Variants in GDI2 observed in about 807,000 individuals in gnomAD.
The protein encoded by GDI2 is rab GDP dissociation inhibitor beta.
A neutral mutation model predicts 54.2 loss-of-function variants in GDI2; 22 were observed. That is an observed-to-expected ratio of 0.41 (90% CI 0.29 to 0.58). GDI2 has a LOEUF of 0.58. GDI2 is among the 20% of genes least tolerant of loss of function. The pLI is 0.35. For missense variants in GDI2, 422 were observed against 546.0 expected, an observed-to-expected ratio of 0.77 and a Z score of 2.26; for synonymous variants, 177 against 182.1, an observed-to-expected ratio of 0.97 and a Z score of 0.23.
chr10:5,803,512 C>T (rs557158824), intron 1 of GDI2, among the ~76,000 whole-genome samples: 37 of 152,130 alleles, frequency 2.4e-4, no homozygotes, highest in African/African-American at 8.9e-4. Context: ...TTTATTTATT[C>T]CTCCATTTCT....
chr10:5,772,472 G>A (rs1484905812), intron 7 of GDI2, among the ~76,000 whole-genome samples: 1 of 152,114 alleles, frequency 6.6e-6, no homozygotes, highest in Non-Finnish European at 1.5e-5. Flanking sequence ...TAACAGTCTA[G>A]AAGGCCAGGC....
rs148499673 is a variant in GDI2, at chr10:5,779,041, T to C, written c.720-5100A>G. On this transcript the variant is annotated intron_variant, in intron 6 of 10. Coordinates refer to ENST00000380191, the MANE Select transcript of GDI2 (RefSeq NM_001494.4). Reference sequence around the variant, plus strand: ...CAGAAAAACAAACAACAGAAACAGATGCCCAAATGTTAAAATACGCAGTTT... The same window carrying C: ...CAGAAAAACAAACAACAGAAACAGACGCCCAAATGTTAAAATACGCAGTTT... 1.1e-3 allele frequency among the ~76,000 whole-genome samples: 164 copies of C among 152,228 alleles called. 3 individuals carry two copies. In the East Asian group the frequency reaches 0.023, roughly 21 times the overall value.
chr10:5,787,039 T>C (rs1429027275), intron 4 of GDI2, among the ~76,000 whole-genome samples: 5 of 149,454 alleles, frequency 3.3e-5, no homozygotes, highest in African/African-American at 4.9e-5. Flanking sequence ...AAAAGAAAAT[T>C]TTCTGATTTT....
Position 5,766,345 on chromosome 10 carries a change from T to C in GDI2, c.1137-50A>G, listed in dbSNP as rs771877070. 3.3e-6 allele frequency: 5 copies of C among 1,518,878 alleles called. No individual in the cohort carries two copies. The Admixed American group carries it at 8.3e-5, about 25-fold the overall frequency. The allele number at this position is 1,518,878 out of a possible 1,614,324, so 94.1% of individuals were successfully genotyped here. On this transcript the variant is annotated intron_variant, in intron 9 of 10. Transcript: ENST00000380191. This position sits in a 1 kb window ranked among gnomAD's most constrained non-coding sequence, Gnocchi z 5.8. ...GGTGAGCTGGTCCCACACCTGACCA[T>C]GGCTCTGCCTGAGGTCAACTGAGAG...
At chr10:5,794,689 T>C (rs1282261970) in intron 4 of GDI2, among the ~76,000 whole-genome samples, 196 bp downstream of exon 4, 1 of 152,216 alleles carries the variant, frequency 6.6e-6, no homozygotes, top group Non-Finnish European at 1.5e-5. Context: ...ATTTAAACTC[T>C]AAGCTTCAAA....
chr10:5,786,800 T>C lies in GDI2; in HGVS notation c.389-750A>G, dbSNP rs567855590. Among the ~76,000 whole-genome samples, 3 of 152,318 alleles carry C rather than the reference T, an allele frequency of 2.0e-5. No homozygotes were observed. The South Asian group carries it at 6.2e-4, about 32-fold the overall frequency. On this transcript the variant is annotated intron_variant, in intron 4 of 10. Transcript: ENST00000380191. ...TGCTAAGATACAACCGGGCACTTAATGATAACAGCTTAAGATAACAAGAAC... is the reference window on the plus strand; with the variant it reads ...TGCTAAGATACAACCGGGCACTTAACGATAACAGCTTAAGATAACAAGAAC...
chr10:5,788,951 G>A (rs928939454), intron 4 of GDI2, among the ~76,000 whole-genome samples: 1 of 152,072 alleles, frequency 6.6e-6, no homozygotes, highest in Non-Finnish European at 1.5e-5. Context: ...ATTTTTAGTA[G>A]AGATGGGGTT....
At chr10:5,790,623 GCAACAAGA>G (rs1840989580) in intron 4 of GDI2, among the ~76,000 whole-genome samples, 1 of 152,002 alleles carries the variant, frequency 6.6e-6, no homozygotes, top group Non-Finnish European at 1.5e-5. Context: ...TCCAGCCTGG[GCAACAAGA>G]GCAAAGCTCA....
intron 4 of GDI2, 89 bp downstream of exon 4, chr10:5,794,796 C>A: frequency 1.2e-6 from 1 of 857,674 alleles, no homozygotes; most frequent in Non-Finnish European, 1.9e-6. Flanking sequence ...TATTTGTTGA[C>A]TGGGTCCTCT....
intron 6 of GDI2, 21 bp from the exon 7 acceptor site, chr10:5,773,962 C>T (rs1840557526): frequency 1.0e-6 from 1 of 986,070 alleles, no homozygotes; most frequent in Admixed American, 2.1e-5. Flanking sequence ...TTTAAAATCC[C>T]AATTAATAAT....
rs764897529 is a variant in GDI2, at chr10:5,766,202, G to C, written c.1191+39C>G. On this transcript the variant is annotated intron_variant, in intron 10 of 10. Transcript: ENST00000380191. This position sits in a 1 kb window ranked among gnomAD's most constrained non-coding sequence, Gnocchi z 5.8. ...TAAGACCATGGAGGGATGTCTTCCA[G>C]TGAAACCTGCCCATATCCTTTCACA... 1.2e-6 allele frequency: 2 copies of C among 1,611,026 alleles called. No individual in the cohort carries two copies. The highest frequency in any genetic ancestry group is 1.7e-6 in the Non-Finnish European group (2 of 1,177,202).
At chr10:5,784,128 T>A (rs1386976060) in intron 6 of GDI2, among the ~76,000 whole-genome samples, 1 of 152,236 alleles carries the variant, frequency 6.6e-6, no homozygotes, top group Non-Finnish European at 1.5e-5. Flanking sequence ...TTCATTTTTT[T>A]AAATTCTTTT....
rs375049999 is a variant in GDI2, at chr10:5,788,955, T to C, written c.389-2905A>G. Among the ~76,000 whole-genome samples, 79 of 152,136 alleles carry C rather than the reference T, an allele frequency of 5.2e-4. 1 individual carries two copies. In the South Asian group the frequency reaches 0.016, roughly 32 times the overall value. On this transcript the variant is annotated intron_variant, in intron 4 of 10. Coordinates refer to ENST00000380191, the MANE Select transcript of GDI2 (RefSeq NM_001494.4). ...TTTTTTTTTGTATTTTTAGTAGAGA[T>C]GGGGTTTCACCATGTTGGACAGGCT... is the stretch of plus-strand genomic sequence containing the variant.
chr10:5,792,702 ACAG>A (rs1841044085), intron 4 of GDI2, among the ~76,000 whole-genome samples: 1 of 151,626 alleles, frequency 6.6e-6, no homozygotes, highest in East Asian at 1.9e-4. Flanking sequence ...AAAAAAAAAA[ACAG>A]AAGAAGGATA....
rs748468720 is a variant in GDI2, at chr10:5,813,368, AAGAG to A, written c.-114_-111del. 10 of 744,082 alleles carry A rather than the reference AAGAG, an allele frequency of 1.3e-5. No homozygotes were observed. The highest frequency in any genetic ancestry group is 2.2e-5 in the Non-Finnish European group (10 of 456,582). 46.1% of individuals were successfully genotyped at this position (744,082 alleles called of 1,614,324 possible). Reference sequence around the variant, plus strand: ...TGGGCGCGAAGGAAAGGGGAAGAGAAAGAGAGGAAAATGGAGCTGGCGACAAGGC... The same window carrying A: ...TGGGCGCGAAGGAAAGGGGAAGAGAAAGGAAAATGGAGCTGGCGACAAGGC... On this transcript the variant is annotated 5_prime_UTR_variant, in exon 1 of 11. Coordinates refer to ENST00000380191, the MANE Select transcript of GDI2 (RefSeq NM_001494.4).
At chr10:5,778,355 T>C (rs1840673057) in intron 6 of GDI2, among the ~76,000 whole-genome samples, 2 of 152,334 alleles carry the variant, frequency 1.3e-5, no homozygotes, top group South Asian at 2.1e-4. Context: ...ACTTAAATAA[T>C]ATGGTGGCCC....
intron 1 of GDI2, among the ~76,000 whole-genome samples, chr10:5,806,821 C>G (rs1197378228): frequency 6.6e-6 from 1 of 152,084 alleles, no homozygotes; most frequent in African/African-American, 2.4e-5. Flanking sequence ...AGTTACATTC[C>G]CAGCTGACAA....
intron 6 of GDI2, among the ~76,000 whole-genome samples, chr10:5,780,987 CTT>C (rs1840741654): frequency 6.6e-6 from 1 of 152,102 alleles, no homozygotes; most frequent in South Asian, 2.1e-4. Flanking sequence ...TACTTCAAGA[CTT>C]AATATAAAAC....
intron 4 of GDI2, among the ~76,000 whole-genome samples, chr10:5,792,231 G>C (rs1006534771): frequency 1.3e-5 from 2 of 152,140 alleles, no homozygotes; most frequent in African/African-American, 4.8e-5. Context: ...CCAGTTACTA[G>C]CTATACTACT....
Sources: gnomAD v4.1 joint callset for allele counts (sites outside exome capture counted in the v4.1 genomes callset) on GRCh38, gnomAD v4.1.1 for gene constraint, Gnocchi (gnomAD v3.1) non-coding constraint, MANE v1.5 for transcripts, NCBI Gene and HGNC (gene_info 2026-07-23, HGNC 2026-07-21) for gene names.